The following FBP2 variants were observed in gnomAD, a reference collection of about 807,000 sequenced individuals.
FBP2 encodes fructose-1,6-bisphosphatase isozyme 2.
Under a neutral mutation model 31.6 loss-of-function variants are expected in FBP2, and 27 were observed. The observed-to-expected ratio is 0.85, with a 90% CI of 0.63 to 1.18. FBP2 has a LOEUF of 1.18. Among genes scored for constraint, FBP2 ranks in the 50% most tolerant of loss-of-function variants. The pLI is 0.00. For synonymous variants in FBP2, 168 were observed against 179.8 expected (o/e 0.93, Z 0.53); for missense variants, 421 against 436.1 (o/e 0.97, Z 0.31).
chr9:94,562,015 G>T (rs1827112700), intron 6 of FBP2, among the ~76,000 whole-genome samples: 2 of 152,104 alleles, frequency 1.3e-5, no homozygotes, highest in South Asian at 4.1e-4. Flanking sequence ...GTGGTTCTAA[G>T]AATTTCCATG....
At position 94,584,561 on chromosome 9, in the gene FBP2, C is replaced by T; in HGVS notation, c.426+16G>A. ...ACCACAGGAAGGAGGTGTAAAATGT[C>T]AGCCTGTCTACTCACCTTTCTATAG... On this transcript the variant is annotated intron_variant, in intron 3 of 6. Transcript: ENST00000375337. The T allele has an allele frequency of 6.5e-7, 1 of 1,537,266 alleles. No individual in the cohort carries two copies.
chr9:94,591,945 G>A (rs929643697), intron 1 of FBP2, among the ~76,000 whole-genome samples: 1 of 152,136 alleles, frequency 6.6e-6, no homozygotes, highest in Non-Finnish European at 1.5e-5. Flanking sequence ...TCAGAGTTTT[G>A]CAGCAGATAA....
At chr9:94,578,745 T>C (rs1028493578) in intron 3 of FBP2, among the ~76,000 whole-genome samples, 1 of 152,108 alleles carries the variant, frequency 6.6e-6, no homozygotes, top group Non-Finnish European at 1.5e-5. Flanking sequence ...CTATGAATTG[T>C]ATTCGTATTG....
In FBP2 at chr9:94,584,596, AT is replaced by A; in HGVS notation, c.406del (p.Ile136SerfsTer77). The A allele has an allele frequency of 6.2e-7, 1 of 1,612,360 alleles. No homozygotes were observed. The highest frequency in any genetic ancestry group is 8.5e-7 in the Non-Finnish European group (1 of 1,178,378). On this transcript the variant is annotated frameshift_variant, in exon 3 of 7. Transcript: ENST00000375337. LOFTEE classifies it high-confidence loss of function. ...ACTCACCTTTCTATAGATGGCAAAG[AT>A]GGTTCCGATGGAGGCCAGGCAGTCA... is the stretch of plus-strand genomic sequence containing the variant. ...NIDCLASIGT[I>X]FAIYRKTSED...
At position 94,559,065 on chromosome 9, in the gene FBP2, G is replaced by A. The variant is rs1827053597; in HGVS notation, c.893C>T (p.Thr298Met). 3.1e-6 allele frequency: 5 copies of A among 1,613,974 alleles called. No homozygotes were observed. Among genetic ancestry groups the A allele is most frequent in the Admixed American group, 3.3e-5 (2 of 60,000 alleles). The change falls in exon 7 of 7, where the codon ACG (threonine) becomes ATG (methionine). Residue 298 changes from threonine (T) to methionine (M), a missense_variant. Physicochemically the swap from Thr to Met is moderately conservative, Grantham distance 81 (BLOSUM62 -1). Coordinates refer to ENST00000375337, the MANE Select transcript of FBP2 (RefSeq NM_003837.4). Reference protein sequence around the residue: ...IIEQAGGLATTGTQPVLDVKP... With the variant: ...IIEQAGGLATMGTQPVLDVKP... ...CACGTCCAGTACAGGCTGGGTCCCC[G>A]TGGTCGCCAAGCCTCCTGCCTGCTC...
chr9:94,567,353 T>C lies in FBP2; in HGVS notation c.622A>G (p.Lys208Glu). The C allele has an allele frequency of 6.2e-7, 1 of 1,614,148 alleles. No homozygotes were observed. Among genetic ancestry groups the C allele is most frequent in the African/African-American group, 1.3e-5 (1 of 75,038 alleles). The change falls in exon 5 of 7, where the codon AAG becomes GAG. Residue 208 changes from lysine (K) to glutamate (E), a missense_variant. Transcript: ENST00000375337. The stretch of plus-strand genomic sequence containing the variant: ...TAGCCCTCATTCAGGCTGTAAATCT[T>C]TCCTTTCTTCTTAATCTTGACATCT... The part of the protein sequence containing the change: ...EKDVKIKKKG[K>E]IYSLNEGYAK...
chr9:94,579,397 C>CATAA (rs758272321), intron 3 of FBP2, among the ~76,000 whole-genome samples: 1 of 66,742 alleles, frequency 1.5e-5, no homozygotes, highest in Non-Finnish European at 2.7e-5. Flanking sequence ...GACTCTGTCT[C>CATAA]AAAAAAAAAA....
In FBP2 at chr9:94,590,312, G is replaced by T. The variant is rs1587847033; in HGVS notation, c.171-2843C>A. On this transcript the variant is annotated intron_variant, in intron 1 of 6. Coordinates refer to ENST00000375337, the MANE Select transcript of FBP2 (RefSeq NM_003837.4). ...GAAAGCCAAGGAGAGGCTCCAGGCGGGCACTCCAGCCTCTCTTGTTCCCAC... is the reference window on the plus strand; with the variant it reads ...GAAAGCCAAGGAGAGGCTCCAGGCGTGCACTCCAGCCTCTCTTGTTCCCAC... Among the ~76,000 whole-genome samples, 3 of 152,304 alleles carry T rather than the reference G, an allele frequency of 2.0e-5. No individual in the cohort carries two copies. In the South Asian group the frequency reaches 6.2e-4, roughly 32 times the overall value.
intron 6 of FBP2, among the ~76,000 whole-genome samples, chr9:94,561,278 G>T (rs1827095108): frequency 6.7e-6 from 1 of 149,400 alleles, no homozygotes; most frequent in South Asian, 2.1e-4. Context: ...TGCCCCTGTT[G>T]TAGGAAATTT....
chr9:94,590,020 C>T (rs1054397792), intron 1 of FBP2, among the ~76,000 whole-genome samples: 2 of 152,140 alleles, frequency 1.3e-5, no homozygotes, highest in Non-Finnish European at 2.9e-5. Flanking sequence ...GAGAAACAGC[C>T]TCTGTCCTGC....
At chr9:94,587,213 G>A (rs1827436574) in intron 2 of FBP2, 94 bp downstream of exon 2, 1 of 1,068,534 alleles carries the variant, frequency 9.4e-7, no homozygotes, top group African/African-American at 1.6e-5. Flanking sequence ...AGAAATAGAG[G>A]AGAATCCCGG....
chr9:94,565,924 T>C (rs1827182867), intron 5 of FBP2, among the ~76,000 whole-genome samples: 1 of 152,146 alleles, frequency 6.6e-6, no homozygotes, highest in South Asian at 2.1e-4. Flanking sequence ...TTACACCCAT[T>C]CATTTTTACA....
At chr9:94,565,545 CAGAA>C (rs2131444569) in intron 5 of FBP2, among the ~76,000 whole-genome samples, 1 of 152,068 alleles carries the variant, frequency 6.6e-6, no homozygotes, top group South Asian at 2.1e-4. Flanking sequence ...CATTTAAATA[CAGAA>C]AGAATCTTTC....
At chr9:94,583,629 T>G (rs1051437476) in intron 3 of FBP2, among the ~76,000 whole-genome samples, 30 of 152,326 alleles carry the variant, frequency 2.0e-4, no homozygotes, top group Admixed American at 5.9e-4. Flanking sequence ...TGAGAGAGTC[T>G]TGCTCTGTCA....
rs569440971 is a variant in FBP2, at chr9:94,574,083, G to A, written c.427-2481C>T. 3.9e-5 allele frequency among the ~76,000 whole-genome samples: 6 copies of A among 152,320 alleles called. No individual in the cohort carries two copies. In the East Asian group the frequency reaches 1.2e-3, roughly 29 times the overall value. On this transcript the variant is annotated intron_variant, in intron 3 of 6. Transcript: ENST00000375337. ...CATCTAAGTTGTCAAATGTATGCATGTGGAGTTGTTTCTAATATTCTCTTT... is the reference window on the plus strand; with the variant it reads ...CATCTAAGTTGTCAAATGTATGCATATGGAGTTGTTTCTAATATTCTCTTT...
chr9:94,561,355 T>A (rs1225109761), intron 6 of FBP2, among the ~76,000 whole-genome samples: 4 of 62,548 alleles, frequency 6.4e-5, no homozygotes, highest in Non-Finnish European at 1.6e-4. Flanking sequence ...GACCTGTATT[T>A]TTTTTTTTTT....
At chr9:94,582,025 T>C (rs976037997) in intron 3 of FBP2, among the ~76,000 whole-genome samples, 2 of 152,326 alleles carry the variant, frequency 1.3e-5, no homozygotes, top group Admixed American at 1.3e-4. Context: ...AGCGCTGGCC[T>C]TAAGATCAGC....
chr9:94,587,038 T>C (rs1194734260), intron 2 of FBP2, among the ~76,000 whole-genome samples: 1 of 152,186 alleles, frequency 6.6e-6, no homozygotes, highest in Admixed American at 6.5e-5. Flanking sequence ...TGTTACTGAT[T>C]AAGTGAACAG....
At chr9:94,565,778 A>AGATAGAAAATAGATACATAGAT (rs1564180684) in intron 5 of FBP2, among the ~76,000 whole-genome samples, 7 of 66,218 alleles carry the variant, frequency 1.1e-4, no homozygotes, top group Non-Finnish European at 2.3e-4. Context: ...GATGATAGAT[A>AGATAGAAAATAGATACATAGAT]GATAGATAGA....
Sources: gnomAD v4.1 joint callset for allele counts (sites outside exome capture counted in the v4.1 genomes callset) on GRCh38, gnomAD v4.1.1 for gene constraint, MANE v1.5 for transcripts, NCBI Gene and HGNC (gene_info 2026-07-23, HGNC 2026-07-21) for gene names.